NRXN3: variants seen among roughly 807,000 people sequenced by gnomAD.
NRXN3 encodes neurexin 3.
In NRXN3, 32 loss-of-function variants were observed where a neutral mutation model predicts 137.6. The ratio of observed to expected loss-of-function variants is 0.23; its 90% confidence interval spans 0.18 to 0.31. NRXN3 has a LOEUF of 0.31. NRXN3 is among the 10% of genes least tolerant of loss of function. The pLI is 1.00. For synonymous variants in NRXN3, 798 were observed against 784.5 expected, an observed-to-expected ratio of 1.02 and a Z score of -0.29; for missense variants, 1,574 against 2,062.5, an observed-to-expected ratio of 0.76 and a Z score of 4.59.
intron 4 of NRXN3, among the ~76,000 whole-genome samples, chr14:78,628,137 A>T: frequency 6.6e-6 from 1 of 150,410 alleles, no homozygotes; most frequent in East Asian, 2.0e-4. Context: ...CAGTAGTGTG[A>T]TCATGACTCA....
chr14:79,206,323 A>T (rs969806546), intron 15 of NRXN3, among the ~76,000 whole-genome samples: 1 of 152,174 alleles, frequency 6.6e-6, no homozygotes, highest in Non-Finnish European at 1.5e-5. Context: ...CATTCTCTAG[A>T]GGAGAAAACT....
At chr14:79,400,604 C>T (rs894701147) in intron 15 of NRXN3, among the ~76,000 whole-genome samples, 1 of 152,174 alleles carries the variant, frequency 6.6e-6, no homozygotes, top group Non-Finnish European at 1.5e-5. Context: ...GCACAGCCTA[C>T]ATAACCATTA....
At chr14:79,452,460 A>G (rs1363704028) in intron 15 of NRXN3, among the ~76,000 whole-genome samples, 2 of 152,208 alleles carry the variant, frequency 1.3e-5, no homozygotes, top group Admixed American at 1.3e-4. Context: ...TATTAGAACT[A>G]AGATGAGGGC....
intron 4 of NRXN3, among the ~76,000 whole-genome samples, chr14:78,607,545 C>T (rs565452093): frequency 2.0e-5 from 3 of 152,260 alleles, no homozygotes; most frequent in South Asian, 2.1e-4. Flanking sequence ...ATACTATTAT[C>T]GTGCACCTGC....
At chr14:78,967,847 A>G (rs1025734502) in intron 13 of NRXN3, among the ~76,000 whole-genome samples, 1 of 152,074 alleles carries the variant, frequency 6.6e-6, no homozygotes, top group Non-Finnish European at 1.5e-5. Flanking sequence ...GCATGTCTGT[A>G]TATCCCTCAG....
chr14:79,535,081 C>A (rs2097199937), intron 16 of NRXN3, among the ~76,000 whole-genome samples: 1 of 152,126 alleles, frequency 6.6e-6, no homozygotes, highest in African/African-American at 2.4e-5. Flanking sequence ...TTCCTTCATT[C>A]CTGATCTGAA....
intron 1 of NRXN3, among the ~76,000 whole-genome samples, chr14:78,228,167 T>C (rs1218343538): frequency 2.0e-5 from 3 of 150,348 alleles, no homozygotes; most frequent in South Asian, 4.2e-4. Flanking sequence ...CTTTTTTTTT[T>C]TTTTTTTTGA....
intron 16 of NRXN3, among the ~76,000 whole-genome samples, chr14:79,637,949 T>A (rs1603299160): frequency 2.0e-5 from 3 of 151,806 alleles, no homozygotes; most frequent in Admixed American, 2.0e-4. Flanking sequence ...AGGCTGGTCT[T>A]GAACTCCTGA....
chr14:78,263,262 G>A (rs2071084201), intron 2 of NRXN3, among the ~76,000 whole-genome samples: 1 of 152,138 alleles, frequency 6.6e-6, no homozygotes, highest in Non-Finnish European at 1.5e-5. Flanking sequence ...GACTGTTGCA[G>A]ATGTTAGCTT....
intron 19 of NRXN3, among the ~76,000 whole-genome samples, chr14:79,780,505 A>T (rs1208476257): frequency 2.0e-5 from 3 of 151,834 alleles, no homozygotes; most frequent in Non-Finnish European, 4.4e-5. Flanking sequence ...GCTACTTAGG[A>T]GGCTGAGGCA....
At chr14:79,568,618 C>A (rs898487919) in intron 16 of NRXN3, among the ~76,000 whole-genome samples, 2 of 152,148 alleles carry the variant, frequency 1.3e-5, no homozygotes, top group Non-Finnish European at 2.9e-5. Context: ...GAGCTAGAGC[C>A]GGGAGACTCC....
intron 16 of NRXN3, among the ~76,000 whole-genome samples, chr14:79,575,116 G>A (rs192582703): frequency 2.2e-4 from 34 of 152,216 alleles, no homozygotes; most frequent in African/African-American, 4.1e-4. Flanking sequence ...TATGCAATCC[G>A]TCTGATAAGG....
chr14:78,300,732 G>T, intron 4 of NRXN3: 1 of 1,400,020 alleles, frequency 7.1e-7, no homozygotes, highest in African/African-American at 1.4e-5. Flanking sequence ...CTATCAATCT[G>T]CCTTTTGAAA....
intron 15 of NRXN3, among the ~76,000 whole-genome samples, chr14:79,232,553 C>A (rs778356595): frequency 6.6e-6 from 1 of 152,040 alleles, no homozygotes; most frequent in Non-Finnish European, 1.5e-5. Context: ...ATTAGAGTAC[C>A]ATCTCTTCCT....
At chr14:78,918,797 A>C (rs1355422978) in intron 10 of NRXN3, among the ~76,000 whole-genome samples, 2 of 152,218 alleles carry the variant, frequency 1.3e-5, no homozygotes, top group African/African-American at 4.8e-5. Context: ...TATTCAGTAC[A>C]ATCACAAGCT....
intron 8 of NRXN3, among the ~76,000 whole-genome samples, chr14:78,731,544 A>C (rs2098515418): frequency 6.6e-6 from 1 of 151,846 alleles, no homozygotes; most frequent in African/African-American, 2.4e-5. Flanking sequence ...TACCAAGCAG[A>C]AATGGTTATT....
rs111731789 is a variant in NRXN3 at position 79,650,104 on chromosome 14, ATTGCTTGC to A, written c.3445-13654_3445-13647del. Among the ~76,000 whole-genome samples, 18 of 151,964 alleles carry A rather than the reference ATTGCTTGC, an allele frequency of 1.2e-4. No homozygotes were observed. In the South Asian group the frequency reaches 2.9e-3, roughly 25 times the overall value. On this transcript the variant is annotated intron_variant, in intron 16 of 20. Coordinates refer to ENST00000335750, the MANE Select transcript of NRXN3 (RefSeq NM_001330195.2). ...GACATCCAGCTGGTGTCTGCTGCAGATTGCTTGCTTGCTTGCTTGCTTGCTTGATGTGT... is the reference window on the plus strand; with the variant it reads ...GACATCCAGCTGGTGTCTGCTGCAGATTGCTTGCTTGCTTGCTTGATGTGT...
chr14:78,349,701 C>T (rs1047001235), intron 4 of NRXN3, among the ~76,000 whole-genome samples: 5 of 152,158 alleles, frequency 3.3e-5, no homozygotes, highest in African/African-American at 1.2e-4. Context: ...TTTGCATTCC[C>T]CTTCAAGGAC....
chr14:78,858,894 G>T (rs994226648), intron 10 of NRXN3, among the ~76,000 whole-genome samples: 1 of 152,148 alleles, frequency 6.6e-6, no homozygotes, highest in African/African-American at 2.4e-5. Context: ...CATGCCTTCA[G>T]TGTTCTTTTA....
Sources: allele counts gnomAD v4.1 joint callset (sites outside exome capture counted in the v4.1 genomes callset), GRCh38; gene constraint gnomAD v4.1.1; transcripts MANE v1.5; gene names NCBI Gene and HGNC (gene_info 2026-07-23, HGNC 2026-07-21).